The following ADAMTS9 variants were observed in gnomAD, a reference collection of about 807,000 sequenced individuals.
ADAMTS9 encodes the protein A disintegrin and metalloproteinase with thrombospondin motifs 9.
ADAMTS9 carries 107 observed loss-of-function variants against 257.1 expected under a neutral mutation model. The ratio of observed to expected loss-of-function variants is 0.42; its 90% CI spans 0.36 to 0.49. ADAMTS9 has a LOEUF of 0.49. ADAMTS9 is among the 20% of genes least tolerant of loss of function. ADAMTS9 has a pLI of 0.03. For synonymous variants in ADAMTS9, 982 were observed against 880.9 expected (o/e 1.11, Z -2.03); for missense variants, 2,353 against 2,469.1 (o/e 0.95, Z 1.00).
At chr3:64,681,126 G>C in intron 3 of ADAMTS9, 75 bp downstream of exon 3, 1 of 1,492,408 alleles carries the variant, frequency 6.7e-7, no homozygotes, top group Non-Finnish European at 9.0e-7. Flanking sequence ...GACTGAAAGA[G>C]AGCTACATCT....
intron 29 of ADAMTS9, among the ~76,000 whole-genome samples, chr3:64,566,574 G>T (rs775596481): frequency 4.6e-5 from 7 of 152,058 alleles, no homozygotes; most frequent in Non-Finnish European, 1.0e-4. Context: ...GCAATTTTAG[G>T]CTTCCCATCA....
chr3:64,518,461 C>G (rs1163991445), intron 39 of ADAMTS9, among the ~76,000 whole-genome samples: 2 of 152,084 alleles, frequency 1.3e-5, no homozygotes, highest in Non-Finnish European at 2.9e-5. Flanking sequence ...AAAAGACTGA[C>G]CAGTTCCGTC....
intron 28 of ADAMTS9, chr3:64,592,599 TC>T (rs1463317493): frequency 6.6e-6 from 1 of 152,186 alleles, no homozygotes; most frequent in East Asian, 1.9e-4. Context: ...CTTATGTTTT[TC>T]CCCCTGTTTT....
Position 64,516,692 on chromosome 3 carries a change from T to A in ADAMTS9, c.*435A>T, listed in dbSNP as rs941166017. 6.6e-5 allele frequency: 10 copies of A among 152,602 alleles called. No individual in the cohort carries two copies. The highest frequency in any genetic ancestry group is 2.4e-4 in the African/African-American group (10 of 41,440). 9.5% of individuals were successfully genotyped at this position (152,602 alleles called of 1,614,324 possible). On this transcript the variant is annotated 3_prime_UTR_variant, in exon 40 of 40. Coordinates refer to ENST00000498707, the MANE Select transcript of ADAMTS9 (RefSeq NM_182920.2). ...GCCAAAAATATCTTTTATACAACTCTTATAGCACCTTGATGATGGCTAGAT... is the reference window on the plus strand; with the variant it reads ...GCCAAAAATATCTTTTATACAACTCATATAGCACCTTGATGATGGCTAGAT...
chr3:64,633,854 C>T lies in ADAMTS9; in HGVS notation c.1882G>A (p.Val628Ile). The stretch of plus-strand genomic sequence containing the variant: ...GACTTAAATTTCATTCTACGTCCTA[C>T]ACAGTATTTTCCACCATTTTTTGGT... The part of the protein sequence containing the change: ...PEPKNGGKYC[V>I]GRRMKFKSCN... Residue 628 changes from valine (V) to isoleucine (I), a missense_variant, in exon 13 of 40, where the codon GTA becomes ATA. Around this residue, in one of 3 missense-constraint regions of ADAMTS9, gnomAD observed 360 missense variants for 458.1 expected, o/e 0.79. Transcript: ENST00000498707. 6.2e-6 allele frequency: 10 copies of T among 1,613,124 alleles called. No homozygotes were observed. Among genetic ancestry groups the T allele is most frequent in the Non-Finnish European group, 8.5e-6 (10 of 1,179,778 alleles).
intron 36 of ADAMTS9, among the ~76,000 whole-genome samples, chr3:64,539,721 T>G (rs949286008): frequency 6.6e-6 from 1 of 152,348 alleles, no homozygotes; most frequent in East Asian, 1.9e-4. Context: ...TTCCAGCTAC[T>G]TAGGAGCGAT....
At chr3:64,643,541 G>T (rs1227600999) in intron 11 of ADAMTS9, among the ~76,000 whole-genome samples, 1 of 137,202 alleles carries the variant, frequency 7.3e-6, no homozygotes, top group African/African-American at 2.8e-5. Context: ...CAGCCTCAAC[G>T]TCCCAGGCTC....
Position 64,615,500 on chromosome 3 carries a change from T to C in ADAMTS9, c.3025-15A>G, listed in dbSNP as rs1166885799. 2 of 1,588,516 alleles carry C rather than the reference T, an allele frequency of 1.3e-6. No homozygotes were observed. The highest frequency in any genetic ancestry group is 1.4e-5 in the African/African-American group (1 of 73,670). On this transcript the variant is annotated splice_polypyrimidine_tract_variant and intron_variant, in intron 20 of 39. Coordinates refer to ENST00000498707, the MANE Select transcript of ADAMTS9 (RefSeq NM_182920.2). ...CTTTTTGAACACTGTAGGGACAAAA[T>C]AAATAAATAAAACTGTTGCTAAGTT...
intron 28 of ADAMTS9, among the ~76,000 whole-genome samples, chr3:64,591,222 C>T (rs1576090337): frequency 6.6e-6 from 1 of 152,024 alleles, no homozygotes; most frequent in African/African-American, 2.4e-5. Flanking sequence ...AGCGGATCAC[C>T]TGAAGTCATG....
At chr3:64,635,829 G>A (rs1700481887) in intron 12 of ADAMTS9, among the ~76,000 whole-genome samples, 1 of 151,898 alleles carries the variant, frequency 6.6e-6, no homozygotes, top group African/African-American at 2.4e-5. Flanking sequence ...CCTTTTCTCA[G>A]TACCAAGGCA....
chr3:64,583,894 A>T (rs1340178855), intron 28 of ADAMTS9: 1 of 152,204 alleles, frequency 6.6e-6, no homozygotes, highest in African/African-American at 2.4e-5. Flanking sequence ...TGCCGTGTAC[A>T]ACGTGAAATC....
Position 64,551,162 on chromosome 3 carries a change from G to A in ADAMTS9, c.4699-100C>T, listed in dbSNP as rs1212648974. On this transcript the variant is annotated intron_variant, in intron 30 of 39. Transcript: ENST00000498707. Reference sequence around the variant, plus strand: ...GTCTACATAGCCTTTAAGATCATAAGAGCCCTGAGGGCAGGGATTGCCAGA... The same window carrying A: ...GTCTACATAGCCTTTAAGATCATAAAAGCCCTGAGGGCAGGGATTGCCAGA... 3.0e-6 allele frequency: 4 copies of A among 1,333,554 alleles called. No homozygotes were observed. The African/African-American group carries it at 5.9e-5, about 20-fold the overall frequency. The allele number at this position is 1,333,554 out of a possible 1,614,324, so 82.6% of individuals were successfully genotyped here.
intron 16 of ADAMTS9, among the ~76,000 whole-genome samples, chr3:64,626,567 T>C (rs1183832765): frequency 6.6e-6 from 1 of 152,012 alleles, no homozygotes; most frequent in African/African-American, 2.4e-5. Flanking sequence ...AGGATAAGGG[T>C]TGAAAAACTA....
At chr3:64,517,501 C>A (rs2082795083) in intron 39 of ADAMTS9, among the ~76,000 whole-genome samples, 1 of 130,734 alleles carries the variant, frequency 7.6e-6, no homozygotes, top group Non-Finnish European at 1.5e-5. Context: ...TCAAGTAATC[C>A]TCCTGCCTCA....
intron 28 of ADAMTS9, chr3:64,583,474 C>G (rs2084055617): frequency 6.6e-6 from 1 of 152,142 alleles, no homozygotes; most frequent in South Asian, 2.1e-4. Flanking sequence ...GAATGAGGCT[C>G]CAAATGTCTC....
intron 23 of ADAMTS9, among the ~76,000 whole-genome samples, chr3:64,606,011 G>C (rs1468275544): frequency 6.6e-6 from 1 of 152,204 alleles, no homozygotes; most frequent in Non-Finnish European, 1.5e-5. Context: ...AATGAGCGTA[G>C]TTCAGGCATG....
intron 2 of ADAMTS9, among the ~76,000 whole-genome samples, chr3:64,684,355 T>TGAAATTCA (rs1701840169): frequency 6.6e-6 from 1 of 151,984 alleles, no homozygotes. Flanking sequence ...CCATCTCAGA[T>TGAAATTCA]GAAATTCAGA....
At chr3:64,557,106 G>A (rs1424195713) in intron 30 of ADAMTS9, among the ~76,000 whole-genome samples, 1 of 152,154 alleles carries the variant, frequency 6.6e-6, no homozygotes, top group Non-Finnish European at 1.5e-5. Context: ...GGTGTGATTG[G>A]CAAAGGCTTC....
In ADAMTS9 at chr3:64,596,785, T is replaced by C. The variant is rs952749414; in HGVS notation, c.4179+45A>G. Reference sequence around the variant, plus strand: ...AATCTGAATGATAAATACAGTTTGGTTAACACAATTCCTCTGTATTTATAG... The same window carrying C: ...AATCTGAATGATAAATACAGTTTGGCTAACACAATTCCTCTGTATTTATAG... On this transcript the variant is annotated intron_variant, in intron 27 of 39. Coordinates refer to ENST00000498707, the MANE Select transcript of ADAMTS9 (RefSeq NM_182920.2). 2.5e-6 allele frequency: 4 copies of C among 1,608,752 alleles called. No individual in the cohort carries two copies. The African/African-American group carries it at 4.0e-5, about 16-fold the overall frequency.
Sources: allele counts gnomAD v4.1 joint callset (sites outside exome capture counted in the v4.1 genomes callset), GRCh38; gene constraint gnomAD v4.1.1; regional missense constraint gnomAD v4.1.1; transcripts MANE v1.5; gene names NCBI Gene and HGNC (gene_info 2026-07-23, HGNC 2026-07-21).